Variants in IFT172 observed in about 807,000 individuals in gnomAD.
IFT172 encodes the protein intraflagellar transport protein 172 homolog.
IFT172 carries 164 observed loss-of-function variants against 248.9 expected under a neutral mutation model. The ratio of observed to expected loss-of-function variants is 0.66; its 90% CI spans 0.58 to 0.75. The LOEUF is 0.75. Among genes scored for constraint, IFT172 ranks in the 30% least tolerant of loss-of-function variants. The pLI is 0.00. For synonymous variants in IFT172, 729 were observed against 791.6 expected (o/e 0.92, Z 1.33); for missense variants, 1,950 against 2,192.4 (o/e 0.89, Z 2.21).
At chr2:27,485,304 A>G in intron 2 of IFT172, 56 bp downstream of exon 2, 1 of 1,608,580 alleles carries the variant, frequency 6.2e-7, no homozygotes, top group Non-Finnish European at 8.5e-7. Context: ...TACGTCTTTC[A>G]AGTTGTGAGA....
chr2:27,468,399 ATTTTTGTTCTTTT>A (rs1667283091), intron 16 of IFT172, among the ~76,000 whole-genome samples: 1 of 151,474 alleles, frequency 6.6e-6, no homozygotes, highest in Admixed American at 6.6e-5. Flanking sequence ...TGCCCAGGTA[ATTTTTGTTCTTTT>A]TAGTAGAGAT....
chr2:27,457,894 C>G lies in IFT172; in HGVS notation c.3058G>C (p.Val1020Leu). 1 of 1,614,148 alleles carries G rather than the reference C, an allele frequency of 6.2e-7. No individual in the cohort carries two copies. Among genetic ancestry groups the G allele is most frequent in the Non-Finnish European group, 8.5e-7 (1 of 1,180,016 alleles). Residue 1020 changes from valine to leucine, a missense_variant, in exon 28 of 48, where the codon GTA becomes CTA. This residue lies in a region of IFT172 where 164 missense variants were observed against 239.3 expected (regional missense o/e 0.69). Coordinates refer to ENST00000260570, the MANE Select transcript of IFT172 (RefSeq NM_015662.3). ...AGGAGATCTGGATGGTGCTTCCCTACCAGGCGGATCATGTCATCATACAAC... is the reference window on the plus strand; with the variant it reads ...AGGAGATCTGGATGGTGCTTCCCTAGCAGGCGGATCATGTCATCATACAAC... Reference protein sequence around the residue: ...HKLYDDMIRLVGKHHPDLLSD... With the variant: ...HKLYDDMIRLLGKHHPDLLSD...
chr2:27,489,649 T>C lies in IFT172; in HGVS notation c.5A>G (p.His2Arg). The change falls in exon 1 of 48, where the codon CAC becomes CGC. Residue 2 changes from histidine to arginine, a missense_variant. Around this residue, in one of 3 missense-constraint regions of IFT172, gnomAD observed 1,166 missense variants for 1,254.1 expected, o/e 0.93. Transcript: ENST00000260570. M[H>R]LKHLRTLLSP... is the part of the protein sequence containing the mutation. ...CAGCAGGGTCCTCAGGTGCTTCAAG[T>C]GCATGACGCACACCTGTCTTTCAGA... 1 of 1,611,890 alleles carries C rather than the reference T, an allele frequency of 6.2e-7. No individual in the cohort carries two copies. Among genetic ancestry groups the C allele is most frequent in the Non-Finnish European group, 8.5e-7 (1 of 1,178,418 alleles).
At chr2:27,476,932 T>C in intron 13 of IFT172, 2 of 590,300 alleles carry the variant, frequency 3.4e-6, no homozygotes, top group African/African-American at 1.9e-5. Context: ...CGGGTGATTC[T>C]CCTACCTCAC....
At chr2:27,461,621 A>G (rs1381130852) in intron 21 of IFT172, 104 bp from the exon 22 acceptor site, 2 of 1,513,030 alleles carry the variant, frequency 1.3e-6, no homozygotes, top group Non-Finnish European at 1.8e-6. Flanking sequence ...CTCCTGGGTC[A>G]GCAGTATCCT....
chr2:27,476,496 C>T (rs1572810809), intron 14 of IFT172, 145 bp downstream of exon 14: 2 of 562,658 alleles, frequency 3.6e-6, no homozygotes, highest in East Asian at 6.2e-5. Context: ...TTAAACATTT[C>T]ATATATATCC....
intron 16 of IFT172, among the ~76,000 whole-genome samples, chr2:27,468,437 T>G (rs1216377057): frequency 6.6e-6 from 1 of 151,846 alleles, no homozygotes; most frequent in East Asian, 2.0e-4. Context: ...TTTCGCCATG[T>G]TAGCCAGGCT....
chr2:27,454,083 C>G lies in IFT172; in HGVS notation c.3610G>C (p.Val1204Leu), dbSNP rs7580439. 5.2e-4 allele frequency: 841 copies of G among 1,614,140 alleles called. 5 individuals carry two copies. In the African/African-American group the frequency reaches 9.9e-3, roughly 19 times the overall value. The change falls in exon 33 of 48, where the codon GTG becomes CTG. Residue 1204 changes from valine to leucine, a missense_variant. Val to Leu is a conservative substitution (Grantham distance 32). This residue lies in a region of IFT172 where 620 missense variants were observed against 699.0 expected (regional missense o/e 0.89). Transcript: ENST00000260570. The surrounding 1 kb of genome is among the most constrained non-coding windows in gnomAD (Gnocchi z 4.2). ...HDPDSVAEVL[V>L]GQARGALEEK... The stretch of plus-strand genomic sequence containing the variant: ...TCCAAGGCCCCCCGGGCCTGTCCCA[C>G]AAGCACCTCGGCGACACTGTCAGGG...
chr2:27,463,529 CTTTT>C (rs35768559), intron 18 of IFT172, among the ~76,000 whole-genome samples: 3 of 129,728 alleles, frequency 2.3e-5, no homozygotes, highest in Non-Finnish European at 3.3e-5. Flanking sequence ...ATTCTTTTCT[CTTTT>C]TTTTTTTTTT....
intron 35 of IFT172, among the ~76,000 whole-genome samples, chr2:27,451,148 A>G (rs1349204220): frequency 6.6e-6 from 1 of 152,124 alleles, no homozygotes; most frequent in African/African-American, 2.4e-5. Flanking sequence ...TTCCATTATG[A>G]TGCTGACATC....
intron 14 of IFT172, among the ~76,000 whole-genome samples, chr2:27,476,009 C>T (rs565140381): frequency 3.3e-5 from 5 of 151,528 alleles, no homozygotes; most frequent in South Asian, 2.1e-4. Context: ...AAACATTTCA[C>T]GATAAAAATA....
chr2:27,446,822 C>A (rs1261500486), intron 42 of IFT172, among the ~76,000 whole-genome samples: 1 of 151,372 alleles, frequency 6.6e-6, no homozygotes, highest in Non-Finnish European at 1.5e-5. Context: ...GCCTCAGCCT[C>A]CCGAGTAGCT....
chr2:27,444,621 TCCCA>T, intron 47 of IFT172, 100 bp from the exon 48 acceptor site: 1 of 857,110 alleles, frequency 1.2e-6, no homozygotes, highest in Non-Finnish European at 1.9e-6. Context: ...CTTCCTGTAA[TCCCA>T]CCCATCTTTC....
At chr2:27,446,480 A>C in intron 42 of IFT172, 125 bp from the exon 43 acceptor site, 54 of 770,746 alleles carry the variant, frequency 7.0e-5, no homozygotes, top group Non-Finnish European at 9.7e-5. Context: ...CTGGATTCTC[A>C]AGCTGTTCTG....
At chr2:27,455,921 A>G (rs189537458) in intron 30 of IFT172, 9 of 312,652 alleles carry the variant, frequency 2.9e-5, no homozygotes, top group Non-Finnish European at 4.3e-5. Flanking sequence ...TCCAAAAAAA[A>G]AGAAAAGTTC....
intron 15 of IFT172, 169 bp downstream of exon 15, chr2:27,472,081 C>A: frequency 3.3e-6 from 2 of 601,164 alleles, no homozygotes; most frequent in Non-Finnish European, 3.0e-6. Context: ...GTTTTGCTAT[C>A]AGTTTTGGTA....
At position 27,451,989 on chromosome 2, in the gene IFT172, G is replaced by A. The variant is rs919419506; in HGVS notation, c.3951+1395C>T. Among the ~76,000 whole-genome samples the A allele has an allele frequency of 5.4e-5, 8 of 148,598 alleles. No homozygotes were observed. The East Asian group carries it at 1.6e-3, about 29-fold the overall frequency. ...TAATTATATATATGTATGTGTGTGT[G>A]TATATATATATATATATATGTTATT... is the stretch of plus-strand genomic sequence containing the variant. On this transcript the variant is annotated intron_variant, in intron 35 of 47. Coordinates refer to ENST00000260570, the MANE Select transcript of IFT172 (RefSeq NM_015662.3).
chr2:27,457,761 G>A lies in IFT172; in HGVS notation c.3112-6C>T, dbSNP rs369121210. 6.2e-7 allele frequency: 1 copy of A among 1,614,138 alleles called. No homozygotes were observed. Among genetic ancestry groups the A allele is most frequent in the African/African-American group, 1.3e-5 (1 of 75,046 alleles). ...CGGCCTTCAGCCTCCAGCTCCTGCA[G>A]GAAGGTGAGTCAGGATGGAGAGATG... On this transcript the variant is annotated splice_polypyrimidine_tract_variant and splice_region_variant and intron_variant, in intron 28 of 47. Transcript: ENST00000260570.
intron 42 of IFT172, among the ~76,000 whole-genome samples, 177 bp downstream of exon 42, chr2:27,447,338 G>A (rs1018728584): frequency 9.9e-5 from 15 of 152,158 alleles, no homozygotes; most frequent in East Asian, 1.9e-4. Flanking sequence ...TAAAAAGGTC[G>A]GAAGAAGAAA....
Sources: gnomAD v4.1 joint callset for allele counts (sites outside exome capture counted in the v4.1 genomes callset) on GRCh38, gnomAD v4.1.1 for gene constraint, gnomAD v4.1.1 regional missense constraint, Gnocchi (gnomAD v3.1) non-coding constraint, MANE v1.5 for transcripts, NCBI Gene and HGNC (gene_info 2026-07-23, HGNC 2026-07-21) for gene names.